Variants in CABLES1 observed in about 807,000 individuals in gnomAD.
CABLES1 encodes the protein Cdk5 and Abl enzyme substrate 1, also known as CDK5 and ABL1 enzyme substrate 1.
In CABLES1, 36 loss-of-function variants were observed where a neutral mutation model predicts 57.8. That is an observed-to-expected ratio of 0.62 (90% CI 0.48 to 0.82). The LOEUF (loss-of-function observed/expected upper bound fraction) is 0.82. Among genes scored for constraint, CABLES1 ranks in the 40% least tolerant of loss-of-function variants. The pLI, the probability that CABLES1 is intolerant of heterozygous loss-of-function variation, is 0.00. For synonymous variants in CABLES1, 374 were observed against 363.0 expected (o/e 1.03, Z -0.35); for missense variants, 767 against 836.6 (o/e 0.92, Z 1.03).
At chr18:23,200,368 T>C (rs1471029304) in intron 3 of CABLES1, among the ~76,000 whole-genome samples, 2 of 152,038 alleles carry the variant, frequency 1.3e-5, no homozygotes, top group Non-Finnish European at 2.9e-5. Flanking sequence ...CACACCATTC[T>C]CCTGCCTCAG....
intron 1 of CABLES1, among the ~76,000 whole-genome samples, chr18:23,147,979 CTTTTTTTTTTTTTTTTTT>C (rs10603023): frequency 6.4e-5 from 5 of 78,358 alleles, no homozygotes; most frequent in African/African-American, 2.8e-4. Flanking sequence ...GCTTGGCCTC[CTTTTTTTTTTTTTTTTTT>C]TTTTTTTTTT....
At chr18:23,160,677 G>C (rs1219571995) in intron 1 of CABLES1, among the ~76,000 whole-genome samples, 1 of 152,210 alleles carries the variant, frequency 6.6e-6, no homozygotes, top group African/African-American at 2.4e-5. Flanking sequence ...AGACTCCCCT[G>C]TGTGGGAGGG....
At position 23,135,929 on chromosome 18, in the gene CABLES1, G is replaced by T. The variant is rs868512083; in HGVS notation, c.167G>T (p.Arg56Leu). The part of the protein sequence containing the change: ...QPPPEPPRKP[R>L]MDPRRRQAAL... ...CCGCCCGAACCCCCCCGGAAGCCGCGCATGGACCCGCGGCGCCGCCAGGCT... is the reference window on the plus strand; with the variant it reads ...CCGCCCGAACCCCCCCGGAAGCCGCTCATGGACCCGCGGCGCCGCCAGGCT... The change falls in exon 1 of 10, where the codon CGC (arginine) becomes CTC (leucine). Residue 56 changes from arginine (R) to leucine (L), a missense_variant. Arg to Leu is a moderately radical substitution (Grantham distance 102). Transcript: ENST00000256925. 23 of 1,107,168 alleles carry T rather than the reference G, an allele frequency of 2.1e-5. No homozygotes were observed. The African/African-American group carries it at 3.3e-4, about 16-fold the overall frequency. The allele number at this position is 1,107,168 out of a possible 1,614,324, so 68.6% of individuals were successfully genotyped here.
chr18:23,148,501 T>A (rs190197582), intron 1 of CABLES1, among the ~76,000 whole-genome samples: 14 of 152,286 alleles, frequency 9.2e-5, no homozygotes, highest in Admixed American at 7.2e-4. Context: ...CCATTTGGCA[T>A]TGGGTCAGCA....
At chr18:23,169,622 C>T (rs949686114) in intron 1 of CABLES1, among the ~76,000 whole-genome samples, 21 of 152,230 alleles carry the variant, frequency 1.4e-4, no homozygotes, top group African/African-American at 5.1e-4. Context: ...CATTCCTCCC[C>T]AGTGGGTAAA....
chr18:23,225,835 T>C (rs1315769568), intron 4 of CABLES1, among the ~76,000 whole-genome samples: 2 of 152,236 alleles, frequency 1.3e-5, no homozygotes, highest in Non-Finnish European at 2.9e-5. Flanking sequence ...CTTTCCTAAA[T>C]AGGCAGACCC....
intron 1 of CABLES1, among the ~76,000 whole-genome samples, chr18:23,140,282 C>G (rs182066023): frequency 6.0e-4 from 91 of 152,322 alleles, no homozygotes; most frequent in South Asian, 1.0e-3. Flanking sequence ...TTGCAACCAG[C>G]AGTTGGCCCC....
chr18:23,253,053 A>G lies in CABLES1; in HGVS notation c.1540A>G (p.Ser514Gly). ...GTTTCCTCACATTAAGCTGACACTC[A>G]GCAAAATTAGGAGGTACGGGAGGCT... The part of the protein sequence containing the change: ...EKFPHIKLTL[S>G]KIRSLKREMR... Residue 514 changes from serine (S) to glycine (G), a missense_variant, in exon 8 of 10, where the codon AGC becomes GGC. By Grantham distance (56) the Ser-to-Gly change is moderately conservative. This residue lies in a region of CABLES1 where 529 missense variants were observed against 622.8 expected (regional missense o/e 0.85). Transcript: ENST00000256925. 1 of 1,609,170 alleles carries G rather than the reference A, an allele frequency of 6.2e-7. No homozygotes were observed. The highest frequency in any genetic ancestry group is 2.2e-5 in the East Asian group (1 of 44,852).
intron 3 of CABLES1, among the ~76,000 whole-genome samples, chr18:23,212,251 A>G (rs376084526): frequency 3.3e-5 from 5 of 152,374 alleles, no homozygotes; most frequent in African/African-American, 1.2e-4. Flanking sequence ...GTTCATATTT[A>G]TTGAGTGTGT....
At chr18:23,249,321 A>G (rs1000735030) in intron 7 of CABLES1, among the ~76,000 whole-genome samples, 1 of 152,228 alleles carries the variant, frequency 6.6e-6, no homozygotes, top group East Asian at 1.9e-4. Flanking sequence ...ATAGAGTAGA[A>G]TGGAGGCGAG....
At chr18:23,243,468 G>GTTTT (rs551293348) in intron 7 of CABLES1, among the ~76,000 whole-genome samples, 13 of 101,862 alleles carry the variant, frequency 1.3e-4, no homozygotes, top group African/African-American at 4.4e-4. Context: ...TGGGTTTGGT[G>GTTTT]TTTTTTTTTT....
At chr18:23,181,595 G>C (rs745448229) in intron 1 of CABLES1, among the ~76,000 whole-genome samples, 11 of 150,346 alleles carry the variant, frequency 7.3e-5, no homozygotes, top group Non-Finnish European at 1.5e-4. Context: ...TGCTCTCTGG[G>C]AAAAGTCCAG....
chr18:23,213,293 C>T (rs946881044), intron 3 of CABLES1, among the ~76,000 whole-genome samples: 19 of 152,174 alleles, frequency 1.2e-4, no homozygotes, highest in African/African-American at 4.6e-4. Context: ...AGTTTTTCAT[C>T]AGCAGTTCCC....
chr18:23,249,488 A>G (rs1168719791), intron 7 of CABLES1, among the ~76,000 whole-genome samples: 1 of 152,222 alleles, frequency 6.6e-6, no homozygotes, highest in Non-Finnish European at 1.5e-5. Flanking sequence ...GTCATGGTGC[A>G]GGTGCGAGGC....
At position 23,179,524 on chromosome 18, in the gene CABLES1, A is replaced by C. The variant is rs116479322; in HGVS notation, c.846-9314A>C. On this transcript the variant is annotated intron_variant, in intron 1 of 9. Transcript: ENST00000256925. ...CAAGCCAGCTGTGTGCCCAGTGCTCAGAGGTATGGATGGCATCAGGCTGAC... is the reference window on the plus strand; with the variant it reads ...CAAGCCAGCTGTGTGCCCAGTGCTCCGAGGTATGGATGGCATCAGGCTGAC... Among the ~76,000 whole-genome samples the C allele has an allele frequency of 5.2e-3, 799 of 152,264 alleles. 8 individuals carry two copies. Among genetic ancestry groups the C allele is most frequent in the African/African-American group, 0.018 (751 of 41,546 alleles).
chr18:23,246,654 G>A (rs991571317), intron 7 of CABLES1, among the ~76,000 whole-genome samples: 1 of 151,652 alleles, frequency 6.6e-6, no homozygotes, highest in Non-Finnish European at 1.5e-5. Flanking sequence ...GCCTCCCAAA[G>A]TGCTGGGATT....
At chr18:23,162,477 G>A (rs1411651437) in intron 1 of CABLES1, among the ~76,000 whole-genome samples, 2 of 152,176 alleles carry the variant, frequency 1.3e-5, no homozygotes, top group Non-Finnish European at 2.9e-5. Context: ...TGTTTATCAA[G>A]CATACACCAT....
At chr18:23,219,328 A>G in intron 4 of CABLES1, 1 of 454,158 alleles carries the variant, frequency 2.2e-6, no homozygotes, top group Admixed American at 2.3e-5. Context: ...GTCCTAAGCA[A>G]TGTCTGATTA....
At chr18:23,151,665 G>A (rs891242164) in intron 1 of CABLES1, among the ~76,000 whole-genome samples, 15 of 152,186 alleles carry the variant, frequency 9.9e-5, no homozygotes, top group Non-Finnish European at 1.9e-4. Context: ...GATAAGTGAT[G>A]GTGGATTGGA....
Sources: gnomAD v4.1 joint callset for allele counts (sites outside exome capture counted in the v4.1 genomes callset) on GRCh38, gnomAD v4.1.1 for gene constraint, gnomAD v4.1.1 regional missense constraint, MANE v1.5 for transcripts, NCBI Gene and HGNC (gene_info 2026-07-23, HGNC 2026-07-21) for gene names.